The following PDE1A variants were observed in gnomAD, a reference collection of about 807,000 sequenced individuals.
The protein encoded by PDE1A is dual specificity calcium/calmodulin-dependent 3',5'-cyclic nucleotide phosphodiesterase 1A.
In PDE1A, 35 loss-of-function variants were observed where a neutral mutation model predicts 61.7. The observed-to-expected ratio is 0.57, with a 90% CI of 0.43 to 0.75. The LOEUF (loss-of-function observed/expected upper bound fraction) is 0.75, where lower values mean the gene tolerates loss of function less well. Ranked by LOEUF, PDE1A falls within the 30% of genes least tolerant of loss-of-function variation. The pLI is 0.00. For missense variants in PDE1A, 597 were observed against 630.6 expected (o/e 0.95, Z 0.57); for synonymous variants, 232 against 213.2 (o/e 1.09, Z -0.77).
chr2:182,534,057 T>C, the PDE1A span, among the ~76,000 whole-genome samples: 5 of 151,980 alleles, frequency 3.3e-5, no homozygotes, highest in African/African-American at 1.2e-4. Context: ...AGTAAAAAAA[T>C]GAAAGTCACT....
At chr2:182,499,269 C>T (rs1175015324) in intron 2 of PDE1A, among the ~76,000 whole-genome samples, 6 of 146,850 alleles carry the variant, frequency 4.1e-5, no homozygotes, top group Admixed American at 1.4e-4. Context: ...CTCCGCCTCC[C>T]GGGTTCACGC....
the PDE1A span, among the ~76,000 whole-genome samples, chr2:182,647,532 G>C: frequency 6.6e-6 from 1 of 152,178 alleles, no homozygotes; most frequent in African/African-American, 2.4e-5. Flanking sequence ...TCTATTAAGA[G>C]TTATTGAGAT....
At chr2:182,640,185 C>G in the PDE1A span, among the ~76,000 whole-genome samples, 1 of 152,120 alleles carries the variant, frequency 6.6e-6, no homozygotes, top group Non-Finnish European at 1.5e-5. Flanking sequence ...GTTGTGTATA[C>G]AAGAACTCAG....
At chr2:182,565,394 G>A in the PDE1A span, among the ~76,000 whole-genome samples, 129 of 152,276 alleles carry the variant, frequency 8.5e-4, 2 homozygotes, top group African/African-American at 2.9e-3. Flanking sequence ...AAATGCTGCT[G>A]TCTGATTGTT....
chr2:182,357,303 A>G (rs185975014), intron 1 of PDE1A, among the ~76,000 whole-genome samples: 218 of 152,226 alleles, frequency 1.4e-3, no homozygotes, highest in African/African-American at 5.1e-3. Flanking sequence ...ACAAACAAAG[A>G]GAGAAATGGG....
chr2:182,241,873 T>A, intron 2 of PDE1A: 1 of 1,548,482 alleles, frequency 6.5e-7, no homozygotes, highest in Non-Finnish European at 8.7e-7. Context: ...AACACTGAAC[T>A]AGAAAATTAA....
intron 1 of PDE1A, among the ~76,000 whole-genome samples, chr2:182,382,667 C>A (rs1386939610): frequency 6.6e-6 from 1 of 151,636 alleles, no homozygotes; most frequent in East Asian, 2.0e-4. Context: ...AATATAGCAT[C>A]TGAAATCAAG....
rs1393844936 is a variant in PDE1A, at chr2:182,493,564, C to T, written c.101+28712G>A. ...TAGAAATACCATTTGACCCAGCAAT[C>T]CCATTACTGGGTATATACCCAAAGG... On this transcript the variant is annotated intron_variant, in intron 2 of 14. Coordinates refer to the PDE1A transcript ENST00000410103. 3.3e-5 allele frequency among the ~76,000 whole-genome samples: 5 copies of T among 152,216 alleles called. No homozygotes were observed. The East Asian group carries it at 9.6e-4, about 29-fold the overall frequency.
the PDE1A span, among the ~76,000 whole-genome samples, chr2:182,583,484 C>T: frequency 6.6e-6 from 1 of 152,140 alleles, no homozygotes; most frequent in South Asian, 2.1e-4. Context: ...CCATGGATGC[C>T]TTGCTCTAAG....
intron 1 of PDE1A, among the ~76,000 whole-genome samples, chr2:182,273,274 C>G (rs1443523886): frequency 6.6e-6 from 1 of 152,008 alleles, no homozygotes. Flanking sequence ...AGATCCTTTA[C>G]TTGGTAGTTT....
chr2:182,235,908 T>C (rs1304739344), intron 3 of PDE1A, among the ~76,000 whole-genome samples: 2 of 152,230 alleles, frequency 1.3e-5, no homozygotes, highest in South Asian at 2.1e-4. Context: ...GCATGGGACA[T>C]ATTACTCAGT....
chr2:182,465,450 T>C (rs530557092), intron 2 of PDE1A, among the ~76,000 whole-genome samples: 2 of 152,188 alleles, frequency 1.3e-5, no homozygotes, highest in Non-Finnish European at 2.9e-5. Flanking sequence ...ATCAATTATA[T>C]TGATACATTC....
At chr2:182,189,394 A>G (rs535510460) in intron 10 of PDE1A, among the ~76,000 whole-genome samples, 71 of 152,230 alleles carry the variant, frequency 4.7e-4, no homozygotes, top group Non-Finnish European at 8.8e-4. Context: ...CTTATGTGTT[A>G]TCTGACATTT....
chr2:182,564,423 T>C, the PDE1A span, among the ~76,000 whole-genome samples: 12 of 151,948 alleles, frequency 7.9e-5, no homozygotes, highest in South Asian at 1.0e-3. Flanking sequence ...CCGAGAGATC[T>C]GCTGTTAGTC....
the PDE1A span, among the ~76,000 whole-genome samples, chr2:182,636,805 G>A: frequency 1.3e-5 from 2 of 152,176 alleles, no homozygotes; most frequent in African/African-American, 4.8e-5. Flanking sequence ...ATGCCTCCCA[G>A]CTCAGTCAGG....
chr2:182,321,451 CT>C lies in PDE1A; in HGVS notation c.54-57038del, dbSNP rs1043122215. Reference sequence around the variant, plus strand: ...ATTAACTTTCCTTCCAAAATCTTTGCTTTTTTTTGGTTTTATGAAGTATCAG... The same window carrying C: ...ATTAACTTTCCTTCCAAAATCTTTGCTTTTTTTGGTTTTATGAAGTATCAG... On this transcript the variant is annotated intron_variant, in intron 1 of 13. Coordinates refer to ENST00000351439, the Ensembl canonical transcript of PDE1A. Among the ~76,000 whole-genome samples the C allele has an allele frequency of 2.6e-5, 4 of 151,858 alleles. No individual in the cohort carries two copies. In the East Asian group the frequency reaches 7.7e-4, roughly 29 times the overall value.
the PDE1A span, among the ~76,000 whole-genome samples, chr2:182,592,204 T>C: frequency 2.6e-5 from 4 of 152,210 alleles, no homozygotes; most frequent in African/African-American, 9.6e-5. Flanking sequence ...ATAAAGCTGA[T>C]AGCAATAATG....
intron 2 of PDE1A, among the ~76,000 whole-genome samples, chr2:182,466,924 G>GA (rs1686707611): frequency 6.6e-6 from 1 of 151,984 alleles, no homozygotes; most frequent in African/African-American, 2.4e-5. Context: ...GAAGCCTAGA[G>GA]AAAAATCAAC....
the PDE1A span, among the ~76,000 whole-genome samples, chr2:182,653,413 C>T: frequency 3.9e-5 from 6 of 152,154 alleles, 1 homozygote; most frequent in South Asian, 2.1e-4. Context: ...TGGTTTTTTT[C>T]GAGGGGATGT....
Sources: gnomAD v4.1 joint callset for allele counts (sites outside exome capture counted in the v4.1 genomes callset) on GRCh38, gnomAD v4.1.1 for gene constraint, MANE v1.5 for transcripts, NCBI Gene and HGNC (gene_info 2026-07-23, HGNC 2026-07-21) for gene names.